Variants in STARD13 observed in about 807,000 individuals in gnomAD.
STARD13 encodes stAR-related lipid transfer protein 13.
Under a neutral mutation model 106.4 loss-of-function variants are expected in STARD13, and 62 were observed. That is an observed-to-expected ratio of 0.58 (90% CI 0.48 to 0.72). The LOEUF is 0.72. STARD13 is among the 30% of genes least tolerant of loss of function. The pLI is 0.00. For missense variants in STARD13, 1,387 were observed against 1,424.0 expected (o/e 0.97, Z 0.42); for synonymous variants, 565 against 553.0 (o/e 1.02, Z -0.31).
chr13:33,653,620 A>G, the STARD13 span, among the ~76,000 whole-genome samples: 1 of 151,836 alleles, frequency 6.6e-6, no homozygotes, highest in Non-Finnish European at 1.5e-5. Flanking sequence ...CCAATTAGGC[A>G]CTAGTTTCTT....
chr13:33,644,880 C>A, the STARD13 span, among the ~76,000 whole-genome samples: 1 of 152,290 alleles, frequency 6.6e-6, no homozygotes, highest in South Asian at 2.1e-4. Context: ...TCCAATATAA[C>A]AATATGCATG....
At chr13:33,591,625 A>G in the STARD13 span, among the ~76,000 whole-genome samples, 3 of 152,178 alleles carry the variant, frequency 2.0e-5, no homozygotes, top group Admixed American at 6.5e-5. Context: ...AAAATAATCT[A>G]TTTGATATCC....
chr13:33,346,351 G>C (rs556000242), downstream of STARD13, among the ~76,000 whole-genome samples: 2 of 152,288 alleles, frequency 1.3e-5, no homozygotes, highest in East Asian at 3.9e-4. Context: ...AACTGGTTTA[G>C]TTCGGTTTGG....
At chr13:33,481,915 G>T in the STARD13 span, among the ~76,000 whole-genome samples, 2 of 151,476 alleles carry the variant, frequency 1.3e-5, no homozygotes, top group East Asian at 3.9e-4. Flanking sequence ...CCCAAGGGGC[G>T]GAGCTTGCAG....
intron 1 of STARD13, among the ~76,000 whole-genome samples, chr13:33,331,330 C>T (rs986971954): frequency 2.0e-5 from 3 of 149,664 alleles, no homozygotes; most frequent in Non-Finnish European, 3.0e-5. Flanking sequence ...TGATCTCTCC[C>T]TACATCTTCA....
At chr13:33,379,353 T>G in the STARD13 span, among the ~76,000 whole-genome samples, 2 of 152,186 alleles carry the variant, frequency 1.3e-5, no homozygotes, top group African/African-American at 4.8e-5. Context: ...AAAAGCCATA[T>G]AACAATATTT....
upstream of STARD13, among the ~76,000 whole-genome samples, chr13:33,288,567 A>G (rs551655752): frequency 1.5e-4 from 22 of 151,452 alleles, no homozygotes; most frequent in African/African-American, 5.1e-4. Context: ...GACCAATCAC[A>G]CTTGGCCCTA....
At chr13:33,470,439 A>T in the STARD13 span, among the ~76,000 whole-genome samples, 1 of 152,222 alleles carries the variant, frequency 6.6e-6, no homozygotes, top group African/African-American at 2.4e-5. Context: ...ATATATACCC[A>T]GTAATGGGCT....
At position 33,128,920 on chromosome 13, in the gene STARD13, G is replaced by A. The variant is rs1207983351; in HGVS notation, c.1748+9C>T. ...ATGAAAAATCATTTCACAAGTGCAT[G>A]CCACCTACCTGTTTGGCCTGGTCAG... On this transcript the variant is annotated intron_variant, in intron 5 of 13. Coordinates refer to ENST00000336934, the MANE Select transcript of STARD13 (RefSeq NM_178006.4). 1 of 1,583,810 alleles carries A rather than the reference G, an allele frequency of 6.3e-7. No individual in the cohort carries two copies.
the STARD13 span, among the ~76,000 whole-genome samples, chr13:33,531,112 A>T: frequency 6.6e-6 from 1 of 152,066 alleles, no homozygotes; most frequent in Non-Finnish European, 1.5e-5. Flanking sequence ...ATGAGATCTG[A>T]TGGTTTTATA....
chr13:33,240,014 T>C (rs1889389306), intron 1 of STARD13, among the ~76,000 whole-genome samples: 1 of 152,210 alleles, frequency 6.6e-6, no homozygotes, highest in African/African-American at 2.4e-5. Context: ...AGAAATTTTA[T>C]AGTTTTCAGG....
At chr13:33,437,120 C>T in the STARD13 span, among the ~76,000 whole-genome samples, 5 of 152,174 alleles carry the variant, frequency 3.3e-5, no homozygotes, top group Non-Finnish European at 7.4e-5. Flanking sequence ...CAGCCCAGTG[C>T]CACACCCTGG....
At chr13:33,329,833 A>T (rs2077817147) in intron 1 of STARD13, among the ~76,000 whole-genome samples, 1 of 151,188 alleles carries the variant, frequency 6.6e-6, no homozygotes, top group Non-Finnish European at 1.5e-5. Flanking sequence ...CCTCCTGCGT[A>T]GCTGGGATTA....
the STARD13 span, among the ~76,000 whole-genome samples, chr13:33,411,263 G>A: frequency 4.7e-3 from 708 of 152,218 alleles, 7 homozygotes; most frequent in African/African-American, 0.016. Context: ...ATAATAAAAG[G>A]CGTATGTGGG....
At chr13:33,450,581 C>T in the STARD13 span, among the ~76,000 whole-genome samples, 7 of 152,140 alleles carry the variant, frequency 4.6e-5, no homozygotes, top group Non-Finnish European at 8.8e-5. Flanking sequence ...AGATCATAGT[C>T]TAGGCTAGAA....
At chr13:33,633,878 T>G in the STARD13 span, among the ~76,000 whole-genome samples, 2 of 152,190 alleles carry the variant, frequency 1.3e-5, no homozygotes, top group African/African-American at 4.8e-5. Context: ...TTTTCCCTCC[T>G]GACCACCCTC....
chr13:33,179,652 G>C (rs553112538), intron 1 of STARD13, among the ~76,000 whole-genome samples: 1 of 152,264 alleles, frequency 6.6e-6, no homozygotes, highest in East Asian at 1.9e-4. Flanking sequence ...GCAAGGCTGT[G>C]GGCAGTGGGT....
the STARD13 span, among the ~76,000 whole-genome samples, chr13:33,532,366 TA>T: frequency 6.6e-6 from 1 of 152,220 alleles, no homozygotes; most frequent in Admixed American, 6.5e-5. Context: ...AAAGGATTTT[TA>T]AAAAATTAAA....
At chr13:33,418,822 G>A in the STARD13 span, among the ~76,000 whole-genome samples, 1 of 152,244 alleles carries the variant, frequency 6.6e-6, no homozygotes, top group African/African-American at 2.4e-5. Flanking sequence ...CAGGCAAACA[G>A]TGTCTGGAGT....
Sources: gnomAD v4.1 joint callset for allele counts (sites outside exome capture counted in the v4.1 genomes callset) on GRCh38, gnomAD v4.1.1 for gene constraint, MANE v1.5 for transcripts, NCBI Gene and HGNC (gene_info 2026-07-23, HGNC 2026-07-21) for gene names.